Variants in SAMSN1 observed in about 807,000 individuals in gnomAD.
The protein encoded by SAMSN1 is SAM domain-containing protein SAMSN-1.
SAMSN1 carries 31 observed loss-of-function variants against 42.0 expected under a neutral mutation model. The observed-to-expected ratio is 0.74, with a 90% CI of 0.55 to 1.00. The LOEUF (loss-of-function observed/expected upper bound fraction) is 1.00, where lower values mean the gene tolerates loss of function less well. Ranked by LOEUF, SAMSN1 falls within the 50% of genes least tolerant of loss-of-function variation. SAMSN1 has a pLI of 0.00. For missense variants in SAMSN1, 464 were observed against 439.4 expected, an observed-to-expected ratio of 1.06 and a Z score of -0.50; for synonymous variants, 178 against 151.9, an observed-to-expected ratio of 1.17 and a Z score of -1.26.
intron 3 of SAMSN1, among the ~76,000 whole-genome samples, chr21:14,513,297 A>G (rs1987768576): frequency 6.6e-6 from 1 of 152,238 alleles, no homozygotes; most frequent in Non-Finnish European, 1.5e-5. Flanking sequence ...GCATTTCTAA[A>G]CATTGATAAA....
chr21:14,575,440 C>T (rs1049692545), intron 2 of SAMSN1, among the ~76,000 whole-genome samples: 3 of 152,136 alleles, frequency 2.0e-5, no homozygotes, highest in African/African-American at 4.8e-5. Context: ...TTTCAAAATT[C>T]TCAGTCCAGA....
intron 6 of SAMSN1, among the ~76,000 whole-genome samples, chr21:14,596,645 T>G (rs1982270396): frequency 6.6e-6 from 1 of 152,146 alleles, no homozygotes; most frequent in South Asian, 2.1e-4. Flanking sequence ...CCAGATGACA[T>G]TCTGCGAAGA....
At chr21:14,612,141 G>A (rs1331960938) in intron 4 of SAMSN1, among the ~76,000 whole-genome samples, 1 of 152,184 alleles carries the variant, frequency 6.6e-6, no homozygotes, top group African/African-American at 2.4e-5. Flanking sequence ...GCTGAGGCAG[G>A]GGAATTGCTT....
intron 2 of SAMSN1, among the ~76,000 whole-genome samples, chr21:14,568,691 G>T (rs1270273340): frequency 2.0e-5 from 3 of 152,146 alleles, no homozygotes; most frequent in Admixed American, 6.5e-5. Context: ...CACAAATGAA[G>T]AAGTTTCCCT....
chr21:14,610,667 G>A (rs1434323872), intron 4 of SAMSN1, among the ~76,000 whole-genome samples: 1 of 152,034 alleles, frequency 6.6e-6, no homozygotes, highest in Non-Finnish European at 1.5e-5. Context: ...TCTCTCTTGT[G>A]TACTCTTTCC....
chr21:14,533,090 T>G (rs1312534579), intron 1 of SAMSN1, among the ~76,000 whole-genome samples: 2 of 152,000 alleles, frequency 1.3e-5, no homozygotes, highest in African/African-American at 4.8e-5. Context: ...CTTTTATTTT[T>G]TTTATTTTTT....
At chr21:14,658,822 T>C, upstream of SAMSN1, 1 of 714,500 alleles carries the variant, frequency 1.4e-6, no homozygotes, top group Admixed American at 2.0e-5. Flanking sequence ...TATGATTGCC[T>C]CTTGTAGCTC....
chr21:14,648,666 A>G (rs1015860995), intron 1 of SAMSN1, among the ~76,000 whole-genome samples: 12 of 150,664 alleles, frequency 8.0e-5, no homozygotes, highest in Admixed American at 2.6e-4. Flanking sequence ...AACACATGAA[A>G]AAATGCTCAT....
At chr21:14,599,917 C>A (rs1022125617) in intron 6 of SAMSN1, among the ~76,000 whole-genome samples, 1 of 152,066 alleles carries the variant, frequency 6.6e-6, no homozygotes, top group East Asian at 1.9e-4. Context: ...ACAAAATGGA[C>A]TAAGACACTC....
At chr21:14,644,182 C>T (rs458104) in intron 1 of SAMSN1, among the ~76,000 whole-genome samples, 116,685 of 151,950 alleles carry the variant, frequency 0.77, 45,320 homozygotes, top group Middle Eastern at 0.89. Context: ...ACTGAGACAC[C>T]GGTTGGGGCA....
intron 7 of SAMSN1, among the ~76,000 whole-genome samples, chr21:14,589,914 T>G (rs1354038536): frequency 6.6e-6 from 1 of 152,208 alleles, no homozygotes; most frequent in Non-Finnish European, 1.5e-5. Context: ...TCACATAATT[T>G]CTTCAACAGG....
intron 1 of SAMSN1, among the ~76,000 whole-genome samples, chr21:14,522,794 A>T (rs1978579686): frequency 6.6e-6 from 1 of 152,250 alleles, no homozygotes; most frequent in Non-Finnish European, 1.5e-5. Flanking sequence ...TTTCCCAGTT[A>T]TTCCAGCTCA....
intron 2 of SAMSN1, among the ~76,000 whole-genome samples, chr21:14,640,373 C>T (rs1367693978): frequency 9.9e-5 from 15 of 152,166 alleles, no homozygotes; most frequent in African/African-American, 1.7e-4. Flanking sequence ...TACAAATACC[C>T]GGATTGAGGA....
intron 1 of SAMSN1, among the ~76,000 whole-genome samples, chr21:14,583,044 C>T (rs568364550): frequency 6.6e-6 from 1 of 151,750 alleles, no homozygotes; most frequent in Non-Finnish European, 1.5e-5. Flanking sequence ...AAAACAAGAA[C>T]GACAAAAATT....
At chr21:14,571,961 AAC>A (rs1981315806) in intron 2 of SAMSN1, among the ~76,000 whole-genome samples, 1 of 152,120 alleles carries the variant, frequency 6.6e-6, no homozygotes, top group Non-Finnish European at 1.5e-5. Context: ...TAATCTTAAA[AAC>A]TACTGGAAAC....
At chr21:14,546,511 C>T (rs1980401305), upstream of SAMSN1, among the ~76,000 whole-genome samples, 1 of 151,964 alleles carries the variant, frequency 6.6e-6, no homozygotes, top group Non-Finnish European at 1.5e-5. Flanking sequence ...CATATTTAGA[C>T]ATGCCTGCAG....
chr21:14,533,271 A>AG (rs1424491947), intron 1 of SAMSN1, among the ~76,000 whole-genome samples: 1 of 152,100 alleles, frequency 6.6e-6, no homozygotes, highest in African/African-American at 2.4e-5. Context: ...TAAAGTATTC[A>AG]GGGGAAAAAA....
At chr21:14,518,898 A>T (rs1245028546) in intron 2 of SAMSN1, among the ~76,000 whole-genome samples, 1 of 152,188 alleles carries the variant, frequency 6.6e-6, no homozygotes, top group Non-Finnish European at 1.5e-5. Flanking sequence ...TGTCTTCATT[A>T]TAAAATTACT....
At chr21:14,589,158 C>A (rs1289839103) in intron 7 of SAMSN1, among the ~76,000 whole-genome samples, 3 of 152,132 alleles carry the variant, frequency 2.0e-5, no homozygotes, top group African/African-American at 7.2e-5. Context: ...AAGATAGCAT[C>A]AATGAATTAT....
Sources: gnomAD v4.1 joint callset for allele counts (sites outside exome capture counted in the v4.1 genomes callset) on GRCh38, gnomAD v4.1.1 for gene constraint, MANE v1.5 for transcripts, NCBI Gene and HGNC (gene_info 2026-07-23, HGNC 2026-07-21) for gene names.